Variants in SCN1A observed in about 807,000 individuals in gnomAD.
The protein encoded by SCN1A is sodium voltage-gated channel alpha subunit 1, also known as sodium channel protein type 1 subunit alpha.
In SCN1A, 13 loss-of-function variants were observed where a neutral mutation model predicts 193.7. The ratio of observed to expected loss-of-function variants is 0.07; its 90% CI spans 0.04 to 0.11. The LOEUF (loss-of-function observed/expected upper bound fraction) is 0.11, where lower values mean the gene tolerates loss of function less well. Among genes scored for constraint, SCN1A ranks in the 10% least tolerant of loss-of-function variants. The pLI, the probability that SCN1A is intolerant of heterozygous loss-of-function variation, is 1.00. For missense variants in SCN1A, 1,432 were observed against 2,451.1 expected (o/e 0.58, Z 8.78); for synonymous variants, 781 against 843.6 (o/e 0.93, Z 1.29).
downstream of SCN1A, chr2:165,985,357 AAAGG>A (rs1475385138): frequency 9.2e-5 from 14 of 151,562 alleles, no homozygotes; most frequent in South Asian, 2.1e-4. Context: ...AAAGTAAGAA[AAAGG>A]AAGGAAAAAG....
intron 19 of SCN1A, among the ~76,000 whole-genome samples, chr2:166,019,762 A>G (rs1693762330): frequency 6.6e-6 from 1 of 152,146 alleles, no homozygotes; most frequent in Non-Finnish European, 1.5e-5. Context: ...TGAATGACTA[A>G]CAAACATTTG....
chr2:166,063,506 C>T (rs563203113), intron 4 of SCN1A, among the ~76,000 whole-genome samples: 14 of 151,932 alleles, frequency 9.2e-5, no homozygotes, highest in African/African-American at 3.1e-4. Flanking sequence ...TTTGCAATGC[C>T]CTGTGCTACA....
In SCN1A at chr2:166,070,867, AT is replaced by A. The variant is rs1450816062; in HGVS notation, c.264+2490del. Among the ~76,000 whole-genome samples the A allele has an allele frequency of 4.6e-5, 7 of 152,246 alleles. No individual in the cohort carries two copies. The East Asian group carries it at 1.2e-3, about 25-fold the overall frequency. ...GTCTTTCTCAAAACATTCATTTATTATTTTACAAATAAGGACCCAGCATAGG... is the reference window on the plus strand; with the variant it reads ...GTCTTTCTCAAAACATTCATTTATTATTTACAAATAAGGACCCAGCATAGG... On this transcript the variant is annotated intron_variant, in intron 4 of 28. Coordinates refer to ENST00000674923, the MANE Select transcript of SCN1A (RefSeq NM_001165963.4).
intron 2 of SCN1A, among the ~76,000 whole-genome samples, chr2:166,084,770 T>G (rs1346450568): frequency 1.3e-5 from 2 of 152,048 alleles, no homozygotes; most frequent in East Asian, 1.9e-4. Flanking sequence ...CAGCAATAAT[T>G]TAAGGGTACC....
chr2:166,047,889 A>G, intron 10 of SCN1A, 121 bp from the exon 11 acceptor site: 1 of 1,337,332 alleles, frequency 7.5e-7, no homozygotes, highest in Non-Finnish European at 1.1e-6. Flanking sequence ...TTGACAAATA[A>G]GTAACTAATC....
At chr2:166,039,794 T>A (rs1304140747) in intron 16 of SCN1A, among the ~76,000 whole-genome samples, 198 bp from the exon 17 acceptor site, 1 of 152,070 alleles carries the variant, frequency 6.6e-6, no homozygotes, top group Non-Finnish European at 1.5e-5. Flanking sequence ...GCGAAGTAGA[T>A]AATATACAAT....
At chr2:166,069,875 C>G (rs1684234435) in intron 4 of SCN1A, among the ~76,000 whole-genome samples, 1 of 152,142 alleles carries the variant, frequency 6.6e-6, no homozygotes, top group South Asian at 2.1e-4. Flanking sequence ...AACATTTTCC[C>G]TGGTGACATT....
At chr2:166,130,446 T>A (rs938456307), upstream of SCN1A, among the ~76,000 whole-genome samples, 4 of 152,212 alleles carry the variant, frequency 2.6e-5, no homozygotes. Flanking sequence ...TCCGCCTCCA[T>A]GTCTTTGTTC....
chr2:166,111,649 G>A (rs1347152616), intron 2 of SCN1A, among the ~76,000 whole-genome samples: 1 of 152,082 alleles, frequency 6.6e-6, no homozygotes, highest in Non-Finnish European at 1.5e-5. Context: ...TATAGAGAGT[G>A]ATTCCTCTGA....
At chr2:166,067,700 CTTTT>C (rs5836079) in intron 4 of SCN1A, among the ~76,000 whole-genome samples, 1 of 128,358 alleles carries the variant, frequency 7.8e-6, no homozygotes, top group Non-Finnish European at 1.6e-5. Flanking sequence ...GAGTACATAG[CTTTT>C]TTTTTTTTTT....
intron 2 of SCN1A, among the ~76,000 whole-genome samples, chr2:166,118,296 TAG>T (rs367737992): frequency 8.1e-6 from 1 of 123,230 alleles, no homozygotes; most frequent in South Asian, 2.9e-4. Context: ...GATTTCTATT[TAG>T]TTTCTTTTTT....
chr2:165,990,649 C>T lies in SCN1A; in HGVS notation c.*596G>A, dbSNP rs1689003101. ...GAATTTGTTTTTCTTGTGACTTTTTCTCATGCATGATCTCTAAGTGCAGCA... is the reference window on the plus strand; with the variant it reads ...GAATTTGTTTTTCTTGTGACTTTTTTTCATGCATGATCTCTAAGTGCAGCA... On this transcript the variant is annotated 3_prime_UTR_variant, in exon 29 of 29. Transcript: ENST00000674923. 1 of 152,596 alleles carries T rather than the reference C, an allele frequency of 6.6e-6. No individual in the cohort carries two copies. Among genetic ancestry groups the T allele is most frequent in the South Asian group, 2.1e-4 (1 of 4,838 alleles). 9.5% of individuals were successfully genotyped at this position (152,596 alleles called of 1,614,324 possible). A position where few individuals can be genotyped will look rare whatever the true frequency, so the allele number is the denominator to read the frequency against.
At chr2:166,130,006 G>T (rs1691592898), upstream of SCN1A, among the ~76,000 whole-genome samples, 2 of 152,148 alleles carry the variant, frequency 1.3e-5, no homozygotes, top group South Asian at 4.1e-4. Context: ...GGACCAGGTG[G>T]ACCAGGATAC....
intron 1 of SCN1A, among the ~76,000 whole-genome samples, chr2:166,142,949 G>A (rs191205999): frequency 1.4e-3 from 220 of 152,236 alleles, no homozygotes; most frequent in African/African-American, 5.0e-3. Context: ...TTTGTCTTCT[G>A]CCATGATTAT....
At chr2:166,012,041 A>G (rs1391470311) in intron 22 of SCN1A, 68 bp downstream of exon 22, 5 of 1,393,758 alleles carry the variant, frequency 3.6e-6, no homozygotes, top group African/African-American at 2.8e-5. Flanking sequence ...GAGACTCACT[A>G]TTGTAGAATT....
At chr2:166,031,345 A>G (rs1238091945) in intron 19 of SCN1A, among the ~76,000 whole-genome samples, 2 of 152,008 alleles carry the variant, frequency 1.3e-5, no homozygotes, top group African/African-American at 4.8e-5. Flanking sequence ...CTTTACCTAC[A>G]TCTCATCCTC....
In SCN1A at chr2:166,011,572, A is replaced by G. The variant is rs114351034; in HGVS notation, c.3879+537T>C. 5.8e-3 allele frequency among the ~76,000 whole-genome samples: 876 copies of G among 151,306 alleles called. 12 individuals are homozygous for G. Among genetic ancestry groups the G allele is most frequent in the African/African-American group, 0.02 (835 of 41,464 alleles). ...ACTTCCTATAATGAAGTCATAATCCATATAATCTACTATTTAAATCTACTC... is the reference window on the plus strand; with the variant it reads ...ACTTCCTATAATGAAGTCATAATCCGTATAATCTACTATTTAAATCTACTC... On this transcript the variant is annotated intron_variant, in intron 22 of 28. Coordinates refer to ENST00000674923, the MANE Select transcript of SCN1A (RefSeq NM_001165963.4).
chr2:166,020,524 TAA>T (rs1299337393), intron 19 of SCN1A, among the ~76,000 whole-genome samples: 2 of 152,220 alleles, frequency 1.3e-5, no homozygotes, highest in African/African-American at 4.8e-5. Context: ...TTATCAAGAA[TAA>T]GTTATGTTTA....
chr2:166,009,905 TAA>T, intron 22 of SCN1A, 64 bp from the exon 23 acceptor site: 1 of 1,459,042 alleles, frequency 6.9e-7, no homozygotes, highest in Non-Finnish European at 9.6e-7. Flanking sequence ...AGTTGCTATA[TAA>T]TACAACAAGT....
Sources: allele counts gnomAD v4.1 joint callset (sites outside exome capture counted in the v4.1 genomes callset), GRCh38; gene constraint gnomAD v4.1.1; transcripts MANE v1.5; gene names NCBI Gene and HGNC (gene_info 2026-07-23, HGNC 2026-07-21).